Variants in SGO2 observed in about 807,000 individuals in gnomAD.
The protein encoded by SGO2 is shugoshin 2.
In SGO2, 68 loss-of-function variants were observed where a neutral mutation model predicts 99.5. The observed-to-expected ratio is 0.68, with a 90% CI of 0.56 to 0.84. The LOEUF (loss-of-function observed/expected upper bound fraction) is 0.84. Ranked by LOEUF, SGO2 falls within the 40% of genes least tolerant of loss-of-function variation. SGO2 has a pLI of 0.00. For missense variants in SGO2, 1,350 were observed against 1,436.7 expected (o/e 0.94, Z 0.97); for synonymous variants, 457 against 487.1 (o/e 0.94, Z 0.81).
At chr2:200,563,519 C>A (rs1017654379) in intron 5 of SGO2, among the ~76,000 whole-genome samples, 1 of 152,096 alleles carries the variant, frequency 6.6e-6, no homozygotes, top group Non-Finnish European at 1.5e-5. Context: ...CTAAAATTTT[C>A]TTTTTTTGTT....
chr2:200,560,753 C>T (rs1410375100), intron 5 of SGO2, among the ~76,000 whole-genome samples: 1 of 152,026 alleles, frequency 6.6e-6, no homozygotes, highest in African/African-American at 2.4e-5. Context: ...TGGGTTTTGA[C>T]AAGGGTTATG....
At chr2:200,566,779 G>A (rs2347863) in intron 5 of SGO2, among the ~76,000 whole-genome samples, 25,323 of 152,156 alleles carry the variant, frequency 0.17, 2,354 homozygotes, top group Non-Finnish European at 0.21. Context: ...GCGGGCACCC[G>A]TCCCCCCAGC....
intron 5 of SGO2, among the ~76,000 whole-genome samples, chr2:200,546,018 C>T (rs1050589009): frequency 4.6e-4 from 70 of 152,124 alleles, no homozygotes; most frequent in Admixed American, 5.2e-4. Flanking sequence ...TGGGTGTGAA[C>T]TCCTAGCCAG....
At chr2:200,541,674 C>T (rs1332721329) in intron 4 of SGO2, among the ~76,000 whole-genome samples, 2 of 152,178 alleles carry the variant, frequency 1.3e-5, no homozygotes, top group Admixed American at 6.5e-5. Flanking sequence ...CAAATATGTC[C>T]TCCACTGACA....
At chr2:200,539,840 GAC>G (rs1012617055) in intron 4 of SGO2, among the ~76,000 whole-genome samples, 22 of 152,020 alleles carry the variant, frequency 1.4e-4, no homozygotes, top group Non-Finnish European at 2.9e-4. Context: ...GGACTCTGAT[GAC>G]AGGAATGTTT....
intron 5 of SGO2, among the ~76,000 whole-genome samples, chr2:200,558,848 G>A (rs2032828092): frequency 6.6e-6 from 1 of 151,146 alleles, no homozygotes; most frequent in South Asian, 2.1e-4. Flanking sequence ...TGCAACCCAG[G>A]CTAGAGTGCA....
chr2:200,535,851 T>G (rs1009260448), intron 3 of SGO2, among the ~76,000 whole-genome samples: 2 of 152,090 alleles, frequency 1.3e-5, no homozygotes, highest in African/African-American at 4.8e-5. Flanking sequence ...TATACATGTA[T>G]GTATGTATGA....
At chr2:200,580,228 CTT>C (rs898826327) in intron 8 of SGO2, among the ~76,000 whole-genome samples, 1 of 152,084 alleles carries the variant, frequency 6.6e-6, no homozygotes, top group African/African-American at 2.4e-5. Context: ...TGCAAAGTAT[CTT>C]TTATGAATTA....
chr2:200,564,787 G>T (rs144306679), intron 5 of SGO2, among the ~76,000 whole-genome samples: 22,015 of 152,186 alleles, frequency 0.14, 2,139 homozygotes, highest in Middle Eastern at 0.22. Context: ...AGCTCTTCTT[G>T]TTGAATTGAT....
intron 5 of SGO2, among the ~76,000 whole-genome samples, chr2:200,560,855 A>G (rs1341835688): frequency 6.6e-6 from 1 of 152,168 alleles, no homozygotes; most frequent in Non-Finnish European, 1.5e-5. Flanking sequence ...AATAGAATTC[A>G]CAAGAGAAGT....
chr2:200,572,695 A>G lies in SGO2; in HGVS notation c.2349A>G (p.Gln783=), dbSNP rs571236474. 15 of 1,612,136 alleles carry G rather than the reference A, an allele frequency of 9.3e-6. No homozygotes were observed. In the Admixed American group the frequency reaches 1.8e-4, roughly 20 times the overall value. ...DSGNLYDSEI[Q]NVLGVKHGHD... Reference sequence around the variant, plus strand: ...GAAACCTGTATGATTCTGAGATTCAAAATGTTTTGGGGGTGAAACATGGCC... The same window carrying G: ...GAAACCTGTATGATTCTGAGATTCAGAATGTTTTGGGGGTGAAACATGGCC... Residue 783 remains glutamine (Q), a synonymous_variant, in exon 7 of 9, where the codon CAA becomes CAG. Coordinates refer to ENST00000357799, the MANE Select transcript of SGO2 (RefSeq NM_152524.6).
At chr2:200,547,281 A>G (rs566001696) in intron 5 of SGO2, among the ~76,000 whole-genome samples, 43 of 152,350 alleles carry the variant, frequency 2.8e-4, no homozygotes, top group African/African-American at 1.0e-3. Flanking sequence ...ATTGTGTCCA[A>G]CGAATTGTCA....
Position 200,573,396 on chromosome 2 carries a change from T to C in SGO2, c.3050T>C (p.Ile1017Thr), listed in dbSNP as rs765185409. The change falls in exon 7 of 9, where the codon ATC (isoleucine) becomes ACC (threonine). Residue 1017 changes from isoleucine to threonine, a missense_variant. By Grantham distance (89) the Ile-to-Thr change is moderately conservative (BLOSUM62 -1). Coordinates refer to ENST00000357799, the MANE Select transcript of SGO2 (RefSeq NM_152524.6). Reference protein sequence around the residue: ...SQLTESSQTSISLESDLKHIT... With the variant: ...SQLTESSQTSTSLESDLKHIT... Reference sequence around the variant, plus strand: ...TTAACAGAATCTTCACAGACATCTATCTCCTTAGAATCTGATTTAAAACAT... The same window carrying C: ...TTAACAGAATCTTCACAGACATCTACCTCCTTAGAATCTGATTTAAAACAT... 1.9e-6 allele frequency: 3 copies of C among 1,602,916 alleles called. No individual in the cohort carries two copies. Among genetic ancestry groups the C allele is most frequent in the Non-Finnish European group, 2.5e-6 (3 of 1,176,960 alleles).
intron 5 of SGO2, among the ~76,000 whole-genome samples, chr2:200,563,232 A>T (rs957022597): frequency 3.3e-5 from 5 of 152,220 alleles, no homozygotes; most frequent in African/African-American, 1.2e-4. Context: ...GATACATCCC[A>T]TCAATACCTA....
At chr2:200,547,957 T>C (rs2032303735) in intron 5 of SGO2, among the ~76,000 whole-genome samples, 1 of 151,470 alleles carries the variant, frequency 6.6e-6, no homozygotes, top group Non-Finnish European at 1.5e-5. Flanking sequence ...ATAACAATTA[T>C]AAATATCTAT....
intron 5 of SGO2, among the ~76,000 whole-genome samples, chr2:200,569,061 G>A (rs1389271942): frequency 6.6e-6 from 1 of 151,512 alleles, no homozygotes; most frequent in Non-Finnish European, 1.5e-5. Context: ...TGATTTCCTT[G>A]GAATACAAGA....
At chr2:200,565,861 C>T (rs565441964) in intron 5 of SGO2, among the ~76,000 whole-genome samples, 2 of 152,310 alleles carry the variant, frequency 1.3e-5, no homozygotes, top group South Asian at 4.1e-4. Context: ...AAATCAGCTA[C>T]TGAAGCTTGT....
rs2033904466 is a variant in SGO2 at position 200,583,540 on chromosome 2, A to T, written c.*76A>T. On this transcript the variant is annotated 3_prime_UTR_variant, in exon 9 of 9. Transcript: ENST00000357799. ...AAAACAGAAATATAGTATCAAGAAG[A>T]TGAAATGCTTAATGAAAAGGTTTTT... The T allele has an allele frequency of 7.5e-7, 1 of 1,331,866 alleles. No homozygotes were observed. The highest frequency in any genetic ancestry group is 1.5e-5 in the South Asian group (1 of 66,916). 82.5% of individuals were successfully genotyped at this position (1,331,866 alleles called of 1,614,324 possible).
intron 7 of SGO2, 93 bp from the exon 8 acceptor site, chr2:200,575,218 C>T (rs1574885179): frequency 4.9e-6 from 3 of 614,242 alleles, no homozygotes; most frequent in Non-Finnish European, 7.4e-6. Flanking sequence ...TTAAAATTTG[C>T]TGTGGTGATT....
Sources: gnomAD v4.1 joint callset for allele counts (sites outside exome capture counted in the v4.1 genomes callset) on GRCh38, gnomAD v4.1.1 for gene constraint, MANE v1.5 for transcripts, NCBI Gene and HGNC (gene_info 2026-07-23, HGNC 2026-07-21) for gene names.